The following MLN variants were observed in gnomAD, a reference collection of about 807,000 sequenced individuals.
MLN encodes the protein promotilin.
In MLN, 14 loss-of-function variants were observed where a neutral mutation model predicts 13.3. That is an observed-to-expected ratio of 1.05 (90% CI 0.69 to 1.64). The LOEUF (loss-of-function observed/expected upper bound fraction) is 1.64. Among genes scored for constraint, MLN ranks in the 40% most tolerant of loss-of-function variants. MLN has a pLI of 0.00. For synonymous variants in MLN, 59 were observed against 54.7 expected, an observed-to-expected ratio of 1.08 and a Z score of -0.34; for missense variants, 122 against 142.9, an observed-to-expected ratio of 0.85 and a Z score of 0.75.
chr6:33,795,552 CT>C lies in MLN; in HGVS notation c.287del (p.Lys96SerfsTer10). 1 of 1,567,566 alleles carries C rather than the reference CT, an allele frequency of 6.4e-7. No individual in the cohort carries two copies. The highest frequency in any genetic ancestry group is 8.7e-7 in the Non-Finnish European group (1 of 1,154,586). On this transcript the variant is annotated frameshift_variant, in exon 4 of 5. Coordinates refer to ENST00000430124, the MANE Select transcript of MLN (RefSeq NM_002418.3). LOFTEE classifies it high-confidence loss of function. ...GMRMNSRQLE[K>X]YPATLEGLLS... is the part of the protein sequence containing the mutation. ...GCAGCCCTTCCAGGGTGGCCGGGTA[CT>C]TTTCCAGCTGTCTGGAGTTCATCCT...
intron 3 of MLN, among the ~76,000 whole-genome samples, chr6:33,798,448 G>A (rs1003797383): frequency 1.3e-5 from 2 of 152,232 alleles, no homozygotes; most frequent in African/African-American, 2.4e-5. Flanking sequence ...ATCGGCCCTG[G>A]GTGTTGAGGC....
rs901179855 is a variant in MLN at position 33,803,749 on chromosome 6, C to A, written c.-8+204G>T. On this transcript the variant is annotated intron_variant, in intron 1 of 4. Coordinates refer to ENST00000430124, the MANE Select transcript of MLN (RefSeq NM_002418.3). This position sits in a 1 kb window ranked among gnomAD's most constrained non-coding sequence, Gnocchi z 4.5. ...CTGCTTTGCCAGGAGTTGTACCCAC[C>A]TGCTTGCCTCCAGCGTCTGTGCCTC... Among the ~76,000 whole-genome samples the A allele has an allele frequency of 3.3e-5, 5 of 152,244 alleles. No homozygotes were observed. Among genetic ancestry groups the A allele is most frequent in the Admixed American group, 6.5e-5 (1 of 15,282 alleles).
rs1054860603 is a variant in MLN at position 33,799,814 on chromosome 6, T to C, written c.118-593A>G. 2.0e-5 allele frequency among the ~76,000 whole-genome samples: 3 copies of C among 152,210 alleles called. No homozygotes were observed. The highest frequency in any genetic ancestry group is 4.8e-5 in the African/African-American group (2 of 41,468). On this transcript the variant is annotated intron_variant, in intron 2 of 4. Transcript: ENST00000430124. This position sits in a 1 kb window ranked among gnomAD's most constrained non-coding sequence, Gnocchi z 4.6. The stretch of plus-strand genomic sequence containing the variant: ...TGCTATTTTGCTAGTTTATGTTCCA[T>C]TGGGTTTGACTGTTCCTGTCCAGCC...
chr6:33,802,818 A>G (rs1223761192), intron 1 of MLN, among the ~76,000 whole-genome samples: 1 of 151,904 alleles, frequency 6.6e-6, no homozygotes, highest in Non-Finnish European at 1.5e-5. Context: ...GGTGGGTGGG[A>G]CCCATCACTG....
chr6:33,796,256 C>T (rs751728), intron 3 of MLN, among the ~76,000 whole-genome samples: 57,514 of 152,010 alleles, frequency 0.38, 11,473 homozygotes, highest in East Asian at 0.77. Context: ...TTAGTGTTCC[C>T]ATTTTGCAGA....
chr6:33,802,501 G>A (rs981970854), intron 1 of MLN, among the ~76,000 whole-genome samples: 6 of 152,170 alleles, frequency 3.9e-5, no homozygotes, highest in African/African-American at 1.4e-4. Flanking sequence ...CTGCAGGCTT[G>A]CATCCTGCCT....
rs1341203395 is a variant in MLN at position 33,803,931 on chromosome 6, A to G, written c.-8+22T>C. 6.6e-5 allele frequency: 10 copies of G among 152,146 alleles called. No individual in the cohort carries two copies. The allele number at this position is 152,146 out of a possible 1,614,324, so 9.4% of individuals were successfully genotyped here. On this transcript the variant is annotated intron_variant, in intron 1 of 4. Transcript: ENST00000430124. The surrounding 1 kb of genome is among the most constrained non-coding windows in gnomAD (Gnocchi z 4.5). ...GGCTTATGCTGACCACTCCCCACCC[A>G]CTTTCTCCAAGGGCTACTTACGGCG...
chr6:33,800,537 T>G (rs1768018653), intron 2 of MLN, among the ~76,000 whole-genome samples: 1 of 152,244 alleles, frequency 6.6e-6, no homozygotes, highest in South Asian at 2.1e-4. Flanking sequence ...AGTTCCACCT[T>G]TTCCCTGCAG....
In MLN at chr6:33,802,896, A is replaced by C. The variant is rs547103109; in HGVS notation, c.-8+1057T>G. Among the ~76,000 whole-genome samples the C allele has an allele frequency of 4.5e-4, 69 of 152,226 alleles. 1 individual carries two copies. The highest frequency in any genetic ancestry group is 1.5e-3 in the African/African-American group (64 of 41,528). Reference sequence around the variant, plus strand: ...GGGCCTGCTTTTCCCCCCAGCAGAGACGGATGTGTCACATTTATGGCATCC... The same window carrying C: ...GGGCCTGCTTTTCCCCCCAGCAGAGCCGGATGTGTCACATTTATGGCATCC... On this transcript the variant is annotated intron_variant, in intron 1 of 4. Coordinates refer to ENST00000430124, the MANE Select transcript of MLN (RefSeq NM_002418.3).
rs558940201 is a variant in MLN, at chr6:33,800,387, C to T, written c.117+660G>A. On this transcript the variant is annotated intron_variant, in intron 2 of 4. Coordinates refer to ENST00000430124, the MANE Select transcript of MLN (RefSeq NM_002418.3). ...TTCCTTAGGCTCCACTGCCTGAGTT[C>T]CATGAGGCCTGCCTTTTTTTCTTCT... Among the ~76,000 whole-genome samples the T allele has an allele frequency of 3.9e-5, 6 of 152,336 alleles. No homozygotes were observed. The East Asian group carries it at 5.8e-4, about 15-fold the overall frequency.
chr6:33,798,340 A>G lies in MLN; in HGVS notation c.234+765T>C, dbSNP rs138408348. ...TCCCCAGTGCCTGGAACAGTGCCTC[A>G]GACCTAGTAGGGGTTCATTTATTGA... On this transcript the variant is annotated intron_variant, in intron 3 of 4. Coordinates refer to ENST00000430124, the MANE Select transcript of MLN (RefSeq NM_002418.3). 5.6e-4 allele frequency among the ~76,000 whole-genome samples: 86 copies of G among 152,330 alleles called. 1 individual carries two copies. The highest frequency in any genetic ancestry group is 3.7e-3 in the Admixed American group (56 of 15,302).
intron 3 of MLN, among the ~76,000 whole-genome samples, chr6:33,796,904 C>A (rs1370157951): frequency 6.6e-6 from 1 of 152,204 alleles, no homozygotes; most frequent in Non-Finnish European, 1.5e-5. Context: ...CCCGGGCAAC[C>A]TTGGAGTTAG....
rs1767867196 is a variant in MLN at position 33,794,680 on chromosome 6, T to A, written c.*145A>T. On this transcript the variant is annotated 3_prime_UTR_variant, in exon 5 of 5. Coordinates refer to ENST00000430124, the MANE Select transcript of MLN (RefSeq NM_002418.3). ...TTAAATAAGAGTCATTTCTGTATAT[T>A]TCATGCTTTATTTGCTGGAGGGGAA... 1 of 873,486 alleles carries A rather than the reference T, an allele frequency of 1.1e-6. No homozygotes were observed. The highest frequency in any genetic ancestry group is 3.1e-5 in the Admixed American group (1 of 32,024). 54.1% of individuals were successfully genotyped at this position (873,486 alleles called of 1,614,324 possible). A position where few individuals can be genotyped will look rare whatever the true frequency, so the allele number is the denominator to read the frequency against.
chr6:33,802,878 CT>C lies in MLN; in HGVS notation c.-8+1074del, dbSNP rs1240810356. Among the ~76,000 whole-genome samples the C allele has an allele frequency of 3.3e-5, 5 of 152,258 alleles. 1 individual carries two copies. The highest frequency in any genetic ancestry group is 2.6e-4 in the Admixed American group (4 of 15,284). ...TTCCCTGAAGAGTCTCTGGGGCCTG[CT>C]TTTCCCCCCAGCAGAGACGGATGTG... On this transcript the variant is annotated intron_variant, in intron 1 of 4. Coordinates refer to ENST00000430124, the MANE Select transcript of MLN (RefSeq NM_002418.3).
In MLN at chr6:33,795,499, G is replaced by A; in HGVS notation, c.337+4C>T. ...AGCCACAGAGATGCCCGCCCTCCCC[G>A]TACCATGCTGGGGAAGCATCTCACT... On this transcript the variant is annotated splice_donor_region_variant and intron_variant, in intron 4 of 4. Coordinates refer to ENST00000430124, the MANE Select transcript of MLN (RefSeq NM_002418.3). 5 of 1,557,352 alleles carry A rather than the reference G, an allele frequency of 3.2e-6. No homozygotes were observed. Among genetic ancestry groups the A allele is most frequent in the East Asian group, 2.4e-5 (1 of 42,096 alleles).
intron 3 of MLN, among the ~76,000 whole-genome samples, chr6:33,796,391 C>A (rs1483458529): frequency 6.6e-6 from 1 of 152,194 alleles, no homozygotes; most frequent in Non-Finnish European, 1.5e-5. Context: ...AACCACCAGG[C>A]TACCTTTCCT....
rs1760834706 is a variant in MLN at position 33,801,764 on chromosome 6, TGGG to T, written c.-7-597_-7-595del. 2.0e-5 allele frequency among the ~76,000 whole-genome samples: 3 copies of T among 152,238 alleles called. No homozygotes were observed. In the South Asian group the frequency reaches 6.2e-4, roughly 32 times the overall value. On this transcript the variant is annotated intron_variant, in intron 1 of 4. Transcript: ENST00000430124. ...GCCAAGAGGGCACCCCCTTCCCCGT[TGGG>T]GGAGCGATGGCTTGGGAACAAGCCC...
chr6:33,801,301 C>T, intron 1 of MLN, 131 bp from the exon 2 acceptor site: 3 of 684,306 alleles, frequency 4.4e-6, no homozygotes, highest in Admixed American at 2.4e-5. Context: ...AAAGCTCAGC[C>T]TGTCTGGATT....
At chr6:33,800,875 C>T (rs1048756115) in intron 2 of MLN, among the ~76,000 whole-genome samples, 172 bp downstream of exon 2, 4 of 152,172 alleles carry the variant, frequency 2.6e-5, no homozygotes, top group Non-Finnish European at 5.9e-5. Flanking sequence ...GTTGCTCATA[C>T]GAGCCACTGA....
Sources: gnomAD v4.1 joint callset for allele counts (sites outside exome capture counted in the v4.1 genomes callset) on GRCh38, gnomAD v4.1.1 for gene constraint, Gnocchi (gnomAD v3.1) non-coding constraint, MANE v1.5 for transcripts, NCBI Gene and HGNC (gene_info 2026-07-23, HGNC 2026-07-21) for gene names.